Variants in SUPT3H observed in about 807,000 individuals in gnomAD.
SUPT3H encodes the protein SPT3 homolog, SAGA and STAGA complex component.
A neutral mutation model predicts 44.3 loss-of-function variants in SUPT3H; 44 were observed. The ratio of observed to expected loss-of-function variants is 0.99; its 90% CI spans 0.78 to 1.28. The LOEUF (loss-of-function observed/expected upper bound fraction) is 1.28, where lower values mean the gene tolerates loss of function less well. SUPT3H is among the 50% of genes most tolerant of loss of function. The pLI is 0.00. For missense variants in SUPT3H, 380 were observed against 387.1 expected (o/e 0.98, Z 0.15); for synonymous variants, 124 against 125.6 (o/e 0.99, Z 0.09).
intron 1 of SUPT3H, among the ~76,000 whole-genome samples, chr6:45,375,104 G>A (rs1212373202): frequency 2.0e-5 from 3 of 152,216 alleles, no homozygotes; most frequent in African/African-American, 7.2e-5. Context: ...CTACTCGGGA[G>A]GCTGAGGCAG....
chr6:45,131,627 C>T (rs1298711548), intron 2 of SUPT3H, among the ~76,000 whole-genome samples: 2 of 152,032 alleles, frequency 1.3e-5, no homozygotes, highest in Non-Finnish European at 2.9e-5. Flanking sequence ...CCTTGCATCA[C>T]ATATAAAAAG....
At chr6:45,059,523 G>A (rs1791645126) in intron 3 of SUPT3H, among the ~76,000 whole-genome samples, 1 of 152,090 alleles carries the variant, frequency 6.6e-6, no homozygotes, top group Non-Finnish European at 1.5e-5. Flanking sequence ...CAGAAAACCA[G>A]CACAAGACAA....
chr6:45,003,892 T>C, intron 5 of SUPT3H, 100 bp from the exon 6 acceptor site: 3 of 1,285,194 alleles, frequency 2.3e-6, no homozygotes, highest in South Asian at 3.0e-5. Flanking sequence ...AAATTCAGAA[T>C]TGGGATTCTC....
chr6:45,011,219 A>G (rs1783434506), intron 5 of SUPT3H, among the ~76,000 whole-genome samples: 1 of 152,040 alleles, frequency 6.6e-6, no homozygotes, highest in Non-Finnish European at 1.5e-5. Flanking sequence ...GGCTCAATCT[A>G]TATTACCTTT....
intron 2 of SUPT3H, among the ~76,000 whole-genome samples, chr6:45,326,369 C>A (rs1406516318): frequency 6.6e-6 from 1 of 151,818 alleles, no homozygotes; most frequent in South Asian, 2.1e-4. Context: ...AAGGACAAAA[C>A]CCTCCTTTTG....
intron 2 of SUPT3H, among the ~76,000 whole-genome samples, chr6:45,325,062 A>T (rs1786141493): frequency 6.6e-6 from 1 of 151,978 alleles, no homozygotes; most frequent in African/African-American, 2.4e-5. Flanking sequence ...GTCAAAAAAA[A>T]GTAAAATAAG....
chr6:44,810,523 G>A (rs1170104937), intron 11 of SUPT3H, among the ~76,000 whole-genome samples: 8 of 151,950 alleles, frequency 5.3e-5, no homozygotes, highest in Middle Eastern at 3.4e-3. Flanking sequence ...ATATTAAAGA[G>A]GGAGTGTGAC....
In SUPT3H at chr6:45,255,294, T is replaced by C. The variant is rs181302205; in HGVS notation, c.101+109907A>G. On this transcript the variant is annotated intron_variant, in intron 2 of 10. Transcript: ENST00000371459. The stretch of plus-strand genomic sequence containing the variant: ...TATTGTCTTCTTTCTGACTAGCTCC[T>C]CTAAGGGCTATAATTAATTTTTACC... Among the ~76,000 whole-genome samples the C allele has an allele frequency of 2.0e-5, 3 of 152,258 alleles. No homozygotes were observed. In the East Asian group the frequency reaches 5.8e-4, roughly 29 times the overall value.
chr6:44,942,097 A>T (rs1044539863), intron 9 of SUPT3H, among the ~76,000 whole-genome samples: 5 of 152,174 alleles, frequency 3.3e-5, no homozygotes, highest in Admixed American at 6.5e-5. Flanking sequence ...ACGGAGAAAA[A>T]TGTAAAGAAT....
intron 2 of SUPT3H, among the ~76,000 whole-genome samples, chr6:45,157,986 G>C (rs1033740173): frequency 6.7e-6 from 1 of 148,878 alleles, no homozygotes; most frequent in African/African-American, 2.5e-5. Context: ...TTAATAATAC[G>C]TAATTATAAC....
At position 44,962,291 on chromosome 6, in the gene SUPT3H, G is replaced by T. The variant is rs541561090; in HGVS notation, c.505-463C>A. Among the ~76,000 whole-genome samples, 4 of 152,216 alleles carry T rather than the reference G, an allele frequency of 2.6e-5. No individual in the cohort carries two copies. The South Asian group carries it at 8.3e-4, about 32-fold the overall frequency. ...AGTTGACAAATCCATATTTTAGATT[G>T]CAAGAAAATAAAGAAAAAGGTAAAC... is the stretch of plus-strand genomic sequence containing the variant. On this transcript the variant is annotated intron_variant, in intron 6 of 10. Coordinates refer to ENST00000371459, the MANE Select transcript of SUPT3H (RefSeq NM_003599.4).
intron 3 of SUPT3H, among the ~76,000 whole-genome samples, chr6:45,051,895 T>A (rs1278103331): frequency 6.6e-6 from 1 of 152,056 alleles, no homozygotes; most frequent in East Asian, 1.9e-4. Context: ...AACAACAAGG[T>A]CTAGGGTACA....
At chr6:44,981,369 A>T (rs912292532) in intron 6 of SUPT3H, among the ~76,000 whole-genome samples, 1 of 152,206 alleles carries the variant, frequency 6.6e-6, no homozygotes, top group Admixed American at 6.5e-5. Context: ...TGAGAGAGAT[A>T]TGAATAAAGC....
At position 45,281,824 on chromosome 6, in the gene SUPT3H, T is replaced by A. The variant is rs181067376; in HGVS notation, c.101+83377A>T. Among the ~76,000 whole-genome samples, 3 of 152,218 alleles carry A rather than the reference T, an allele frequency of 2.0e-5. No individual in the cohort carries two copies. The East Asian group carries it at 5.8e-4, about 29-fold the overall frequency. On this transcript the variant is annotated intron_variant, in intron 2 of 10. Coordinates refer to ENST00000371459, the MANE Select transcript of SUPT3H (RefSeq NM_003599.4). ...GTCCCTGATACCCGAATAGCCTAAC[T>A]GGGAGGCACCCCCCAGTAGGGGCAG...
At chr6:45,270,298 TA>T (rs988222210) in intron 2 of SUPT3H, among the ~76,000 whole-genome samples, 22 of 148,132 alleles carry the variant, frequency 1.5e-4, no homozygotes, top group East Asian at 2.0e-4. Context: ...TTAACTATAT[TA>T]AAAAAAAAAG....
chr6:45,084,860 A>C (rs1302424742), intron 3 of SUPT3H, among the ~76,000 whole-genome samples: 1 of 152,202 alleles, frequency 6.6e-6, no homozygotes, highest in Admixed American at 6.6e-5. Context: ...TTAATGCAGG[A>C]ACAGAAAGCC....
chr6:45,187,175 G>A (rs1394177846), intron 2 of SUPT3H, among the ~76,000 whole-genome samples: 1 of 151,530 alleles, frequency 6.6e-6, no homozygotes, highest in Admixed American at 6.6e-5. Flanking sequence ...AACACTCTGG[G>A]AGGCGGAGGC....
chr6:45,286,015 A>C (rs1340627157), intron 2 of SUPT3H, among the ~76,000 whole-genome samples: 1 of 138,916 alleles, frequency 7.2e-6, no homozygotes, highest in Non-Finnish European at 1.5e-5. Flanking sequence ...CTATTTAATA[A>C]ATGGTGCTGG....
At chr6:45,370,942 A>C (rs1795963878) in intron 1 of SUPT3H, among the ~76,000 whole-genome samples, 1 of 152,214 alleles carries the variant, frequency 6.6e-6, no homozygotes, top group African/African-American at 2.4e-5. Flanking sequence ...TTGCAAAAAC[A>C]GTCCCTAAGG....
Sources: allele counts gnomAD v4.1 joint callset (sites outside exome capture counted in the v4.1 genomes callset), GRCh38; gene constraint gnomAD v4.1.1; transcripts MANE v1.5; gene names NCBI Gene and HGNC (gene_info 2026-07-23, HGNC 2026-07-21).